WDR70: variants seen among roughly 807,000 people sequenced by gnomAD.
WDR70 encodes the protein WD repeat-containing protein 70.
A neutral mutation model predicts 88.6 loss-of-function variants in WDR70; 53 were observed. The ratio of observed to expected loss-of-function variants is 0.60; its 90% confidence interval spans 0.48 to 0.75. The LOEUF is 0.75. Ranked by LOEUF, WDR70 falls within the 30% of genes least tolerant of loss-of-function variation. WDR70 has a pLI of 0.00. For missense variants in WDR70, 610 were observed against 823.2 expected, an observed-to-expected ratio of 0.74 and a Z score of 3.17; for synonymous variants, 280 against 270.0, an observed-to-expected ratio of 1.04 and a Z score of -0.36.
At chr5:37,663,677 G>T (rs1182047347) in intron 10 of WDR70, among the ~76,000 whole-genome samples, 1 of 152,006 alleles carries the variant, frequency 6.6e-6, no homozygotes. Flanking sequence ...GGGACAATAG[G>T]CCGGACTTCT....
At chr5:37,410,200 T>TC (rs1207006276) in intron 5 of WDR70, among the ~76,000 whole-genome samples, 1 of 150,560 alleles carries the variant, frequency 6.6e-6, no homozygotes, top group Non-Finnish European at 1.5e-5. Flanking sequence ...TTAGTTTTTT[T>TC]TTTTTTTTTT....
In WDR70 at chr5:37,752,508, G is replaced by T. The variant is rs753273451; in HGVS notation, c.1900G>T (p.Ala634Ser). 11 of 1,611,970 alleles carry T rather than the reference G, an allele frequency of 6.8e-6. No homozygotes were observed. In the African/African-American group the frequency reaches 1.5e-4, roughly 22 times the overall value. Reference protein sequence around the residue: ...YSKTQPKTMFAQVESDDEEAK... With the variant: ...YSKTQPKTMFSQVESDDEEAK... ...TAGGACTCAGCCCAAAACCATGTTT[G>T]CCCAAGTTGAATCTGATGATGAGGA... Residue 634 changes from alanine (A) to serine (S), a missense_variant, in exon 18 of 18, where the codon GCC becomes TCC. Ala to Ser is a moderately conservative substitution (Grantham distance 99). Coordinates refer to ENST00000265107, the MANE Select transcript of WDR70 (RefSeq NM_018034.4).
In WDR70 at chr5:37,427,439, T is replaced by C. The variant is rs146086019; in HGVS notation, c.493-10483T>C. The stretch of plus-strand genomic sequence containing the variant: ...AAACACGTCATTTCATTGATTCTTA[T>C]ACACATGCACACATAGACGTGTATA... On this transcript the variant is annotated intron_variant, in intron 5 of 17. Coordinates refer to ENST00000265107, the MANE Select transcript of WDR70 (RefSeq NM_018034.4). 4.8e-3 allele frequency among the ~76,000 whole-genome samples: 730 copies of C among 152,192 alleles called. 4 individuals are homozygous for C. The highest frequency in any genetic ancestry group is 7.5e-3 in the Admixed American group (114 of 15,296).
intron 5 of WDR70, among the ~76,000 whole-genome samples, chr5:37,421,866 C>T (rs1241722979): frequency 6.6e-6 from 1 of 151,294 alleles, no homozygotes; most frequent in East Asian, 1.9e-4. Context: ...TGGTGCAACT[C>T]AGACCCAGCT....
intron 9 of WDR70, among the ~76,000 whole-genome samples, chr5:37,587,425 C>G (rs765063689): frequency 6.6e-6 from 1 of 151,980 alleles, no homozygotes; most frequent in Non-Finnish European, 1.5e-5. Flanking sequence ...GCACTCCCCA[C>G]CCCGACACCC....
chr5:37,474,960 C>CCAGGCTG (rs1739433928), intron 7 of WDR70, among the ~76,000 whole-genome samples: 1 of 151,804 alleles, frequency 6.6e-6, no homozygotes, highest in Non-Finnish European at 1.5e-5. Context: ...GCTCTATTGC[C>CCAGGCTG]CAGGCTGGAG....
chr5:37,488,116 A>T (rs2112183454), intron 8 of WDR70, among the ~76,000 whole-genome samples: 1 of 131,630 alleles, frequency 7.6e-6, no homozygotes. Flanking sequence ...CTTTGACAAT[A>T]TCATTTCATT....
At chr5:37,384,814 G>A (rs1748554999) in intron 3 of WDR70, among the ~76,000 whole-genome samples, 2 of 151,986 alleles carry the variant, frequency 1.3e-5, no homozygotes, top group Admixed American at 6.6e-5. Flanking sequence ...ATATGTAGGA[G>A]TTTTCCCCCA....
At chr5:37,492,390 G>T (rs1051311629) in intron 8 of WDR70, among the ~76,000 whole-genome samples, 5 of 152,306 alleles carry the variant, frequency 3.3e-5, no homozygotes, top group Admixed American at 6.5e-5. Flanking sequence ...AGCTCTTGTT[G>T]TAGGGTGAAT....
At chr5:37,559,799 C>T (rs1158377586) in intron 9 of WDR70, among the ~76,000 whole-genome samples, 5 of 150,790 alleles carry the variant, frequency 3.3e-5, no homozygotes, top group East Asian at 2.0e-4. Flanking sequence ...GAGCTGAGAT[C>T]ACGCCGTTGC....
chr5:37,439,838 C>G (rs187018055), intron 6 of WDR70, among the ~76,000 whole-genome samples: 58 of 152,104 alleles, frequency 3.8e-4, no homozygotes, highest in African/African-American at 1.3e-3. Flanking sequence ...TATTTAAAAG[C>G]AAATACCTGA....
In WDR70 at chr5:37,437,957, A is replaced by G; in HGVS notation, c.528A>G (p.Ile176Met). 3 of 1,611,314 alleles carry G rather than the reference A, an allele frequency of 1.9e-6. No individual in the cohort carries two copies. Among genetic ancestry groups the G allele is most frequent in the Non-Finnish European group, 2.5e-6 (3 of 1,178,694 alleles). The part of the protein sequence containing the change: ...PVHKIPDSHE[I>M]TLKHGTKTVS... The stretch of plus-strand genomic sequence containing the variant: ...ACAAGATTCCTGACTCGCATGAGAT[A>G]ACGCTGAAGCATGGCACTAAAACAG... The change falls in exon 6 of 18, where the codon ATA (isoleucine) becomes ATG (methionine). Residue 176 changes from isoleucine to methionine, a missense_variant. Ile to Met is a conservative substitution (Grantham distance 10, BLOSUM62 1). Transcript: ENST00000265107.
At chr5:37,569,648 T>C (rs1474756703) in intron 9 of WDR70, among the ~76,000 whole-genome samples, 1 of 152,206 alleles carries the variant, frequency 6.6e-6, no homozygotes, top group East Asian at 1.9e-4. Flanking sequence ...TACCACAAAT[T>C]GCTTTTGACC....
At chr5:37,734,636 T>C (rs1329160658) in intron 17 of WDR70, among the ~76,000 whole-genome samples, 1 of 151,914 alleles carries the variant, frequency 6.6e-6, no homozygotes, top group African/African-American at 2.4e-5. Flanking sequence ...GGACATAGAG[T>C]AATCAGGCGG....
chr5:37,486,493 G>A (rs1218574068), intron 8 of WDR70, among the ~76,000 whole-genome samples: 3 of 89,736 alleles, frequency 3.3e-5, no homozygotes, highest in East Asian at 5.5e-4. Context: ...ACAGGCGCCC[G>A]ACACCCACGC....
chr5:37,516,491 TCCCC>T lies in WDR70; in HGVS notation c.841-22_841-19del. On this transcript the variant is annotated intron_variant, in intron 8 of 17. Transcript: ENST00000265107. ...TTTACCTTTTTAAAACATCTTTTTT[TCCCC>T]TTTGTCTTTATTTTTAAGGGTCATA... is the stretch of plus-strand genomic sequence containing the variant. The T allele has an allele frequency of 2.7e-6, 4 of 1,488,114 alleles. No individual in the cohort carries two copies. Among genetic ancestry groups the T allele is most frequent in the Admixed American group, 1.8e-5 (1 of 55,850 alleles). The allele number at this position is 1,488,114 out of a possible 1,614,324, so 92.2% of individuals were successfully genotyped here. A position where few individuals can be genotyped will look rare whatever the true frequency, so the allele number is the denominator to read the frequency against.
intron 5 of WDR70, among the ~76,000 whole-genome samples, chr5:37,397,515 A>T (rs981648073): frequency 9.2e-5 from 14 of 152,180 alleles, no homozygotes; most frequent in African/African-American, 3.4e-4. Context: ...GCAAATAATA[A>T]TGATGATGGG....
chr5:37,686,716 C>G (rs1746613174), intron 10 of WDR70, among the ~76,000 whole-genome samples: 1 of 151,856 alleles, frequency 6.6e-6, no homozygotes, highest in African/African-American at 2.4e-5. Flanking sequence ...GGCTCCATGA[C>G]CATCTGCTGA....
chr5:37,563,516 C>CT, intron 9 of WDR70, among the ~76,000 whole-genome samples: 1 of 64,700 alleles, frequency 1.5e-5, no homozygotes, highest in African/African-American at 4.6e-5. Flanking sequence ...GGCAGAGGCG[C>CT]CCCTCACCTC....
Sources: gnomAD v4.1 joint callset for allele counts (sites outside exome capture counted in the v4.1 genomes callset) on GRCh38, gnomAD v4.1.1 for gene constraint, MANE v1.5 for transcripts, NCBI Gene and HGNC (gene_info 2026-07-23, HGNC 2026-07-21) for gene names.